The following STK32B variants were observed in gnomAD, a reference collection of about 807,000 sequenced individuals.
The protein encoded by STK32B is serine/threonine-protein kinase 32B.
In STK32B, 43 loss-of-function variants were observed where a neutral mutation model predicts 52.6. The observed-to-expected ratio is 0.82, with a 90% CI of 0.64 to 1.05. The LOEUF is 1.05. STK32B is among the 50% of genes least tolerant of loss of function. The pLI, the probability that STK32B is intolerant of heterozygous loss-of-function variation, is 0.00. For missense variants in STK32B, 621 were observed against 534.6 expected (o/e 1.16, Z -1.59); for synonymous variants, 238 against 204.3 (o/e 1.17, Z -1.41).
chr4:5,149,436 G>C (rs1455443526), intron 2 of STK32B, among the ~76,000 whole-genome samples: 1 of 151,654 alleles, frequency 6.6e-6, no homozygotes, highest in African/African-American at 2.4e-5. Context: ...CTGTGGATTA[G>C]TTGAATATTT....
intron 9 of STK32B, among the ~76,000 whole-genome samples, chr4:5,462,950 G>C (rs2080732679): frequency 6.6e-6 from 1 of 152,196 alleles, no homozygotes; most frequent in African/African-American, 2.4e-5. Context: ...CTCGGAAGGA[G>C]ACCCGCAGGC....
chr4:5,494,138 A>G (rs370854889), intron 11 of STK32B, among the ~76,000 whole-genome samples: 1 of 152,002 alleles, frequency 6.6e-6, no homozygotes, highest in East Asian at 1.9e-4. Context: ...TATCTTTGTT[A>G]ACTTTCTGTC....
chr4:5,326,636 C>T (rs564161944), intron 3 of STK32B, among the ~76,000 whole-genome samples: 1 of 152,280 alleles, frequency 6.6e-6, no homozygotes, highest in African/African-American at 2.4e-5. Flanking sequence ...AGTGTACATA[C>T]TTTCATCTAA....
intron 1 of STK32B, among the ~76,000 whole-genome samples, chr4:5,057,027 A>G (rs1742034382): frequency 6.6e-6 from 1 of 152,142 alleles, no homozygotes; most frequent in Non-Finnish European, 1.5e-5. Context: ...TTTGCACTAG[A>G]CTGCAGCCTC....
intron 3 of STK32B, among the ~76,000 whole-genome samples, chr4:5,266,977 A>G (rs1727094057): frequency 6.6e-6 from 1 of 152,148 alleles, no homozygotes; most frequent in African/African-American, 2.4e-5. Flanking sequence ...CAGGTTAAAT[A>G]AAGGCCAACC....
At chr4:5,092,165 A>G (rs934010146) in intron 1 of STK32B, among the ~76,000 whole-genome samples, 5 of 152,220 alleles carry the variant, frequency 3.3e-5, no homozygotes, top group African/African-American at 9.6e-5. Context: ...TGGTTGCCCA[A>G]TATTGTTATG....
the STK32B span, among the ~76,000 whole-genome samples, chr4:5,020,768 C>A: frequency 1.3e-5 from 2 of 152,060 alleles, no homozygotes; most frequent in South Asian, 2.1e-4. Context: ...TAACACTGAA[C>A]ATGACTTACA....
intron 3 of STK32B, among the ~76,000 whole-genome samples, chr4:5,196,334 G>GCTTT (rs1553848456): frequency 1.1e-5 from 1 of 87,712 alleles, no homozygotes; most frequent in African/African-American, 5.2e-5. Context: ...TCTTTCTTCA[G>GCTTT]TTTTTTTTTT....
At chr4:5,360,246 G>A (rs909457617) in intron 4 of STK32B, among the ~76,000 whole-genome samples, 1 of 152,144 alleles carries the variant, frequency 6.6e-6, no homozygotes, top group African/African-American at 2.4e-5. Flanking sequence ...CCAGTGCCAC[G>A]TTCTGGGATG....
At position 5,377,924 on chromosome 4, in the gene STK32B, TA is replaced by T. The variant is rs1735686505; in HGVS notation, c.435-20282del. ...TCATAGCAGTGTGAAAATGGACTAATACAACCATAAAAAATAAATAAAAACA... is the reference window on the plus strand; with the variant it reads ...TCATAGCAGTGTGAAAATGGACTAATCAACCATAAAAAATAAATAAAAACA... On this transcript the variant is annotated intron_variant, in intron 4 of 11. Coordinates refer to ENST00000282908, the MANE Select transcript of STK32B (RefSeq NM_018401.3). Among the ~76,000 whole-genome samples, 5 of 152,174 alleles carry T rather than the reference TA, an allele frequency of 3.3e-5. 1 individual carries two copies. In the South Asian group the frequency reaches 1.0e-3, roughly 32 times the overall value.
intron 5 of STK32B, among the ~76,000 whole-genome samples, chr4:5,404,023 C>T (rs1577451724): frequency 6.6e-6 from 1 of 152,156 alleles, no homozygotes; most frequent in East Asian, 1.9e-4. Context: ...CAGCGAGCTG[C>T]CAGAAATGGG....
chr4:5,330,680 T>C, intron 3 of STK32B, among the ~76,000 whole-genome samples: 1 of 152,180 alleles, frequency 6.6e-6, no homozygotes, highest in East Asian at 1.9e-4. Context: ...TCCATGTGGC[T>C]TGCATCTGGC....
At chr4:5,036,356 C>G in the STK32B span, among the ~76,000 whole-genome samples, 1 of 152,170 alleles carries the variant, frequency 6.6e-6, no homozygotes, top group Non-Finnish European at 1.5e-5. Context: ...CACATTTGCA[C>G]TGGAAATCAT....
chr4:5,236,505 G>T (rs1724647483), intron 3 of STK32B, among the ~76,000 whole-genome samples: 1 of 152,180 alleles, frequency 6.6e-6, no homozygotes, highest in Non-Finnish European at 1.5e-5. Flanking sequence ...CCCAAAAATT[G>T]CTACTCTTGT....
intron 3 of STK32B, among the ~76,000 whole-genome samples, chr4:5,190,430 AG>A (rs1338253289): frequency 2.0e-5 from 3 of 152,126 alleles, no homozygotes; most frequent in Non-Finnish European, 4.4e-5. Flanking sequence ...AAACCTGTAG[AG>A]GAGTGGGCCA....
intron 4 of STK32B, among the ~76,000 whole-genome samples, chr4:5,342,629 C>A (rs1464683853): frequency 6.6e-6 from 1 of 152,150 alleles, no homozygotes; most frequent in African/African-American, 2.4e-5. Flanking sequence ...CCAATCACCT[C>A]CCAGCAGGCC....
intron 3 of STK32B, among the ~76,000 whole-genome samples, chr4:5,257,244 TGATTGAGTGAATGAATGAGTGA>T (rs2108840038): frequency 8.2e-6 from 1 of 121,392 alleles, no homozygotes; most frequent in African/African-American, 5.9e-5. Flanking sequence ...AATGAGTGAA[TGATTGAGTGAATGAATGAGTGA>T]ATGATGAAGT....
intron 9 of STK32B, among the ~76,000 whole-genome samples, chr4:5,463,749 G>A (rs7698146): frequency 0.36 from 54,850 of 151,988 alleles, 10,765 homozygotes; most frequent in Non-Finnish European, 0.43. Flanking sequence ...TGGCTGTGCT[G>A]TCTCCTAGCT....
intron 2 of STK32B, among the ~76,000 whole-genome samples, chr4:5,165,085 G>T (rs1019404286): frequency 6.6e-6 from 1 of 152,114 alleles, no homozygotes; most frequent in Non-Finnish European, 1.5e-5. Context: ...CTGAGAAACA[G>T]AATTTTTCTG....
Sources: allele counts gnomAD v4.1 joint callset (sites outside exome capture counted in the v4.1 genomes callset), GRCh38; gene constraint gnomAD v4.1.1; transcripts MANE v1.5; gene names NCBI Gene and HGNC (gene_info 2026-07-23, HGNC 2026-07-21).